SCN4A: variants seen among roughly 807,000 people sequenced by gnomAD.
SCN4A encodes the protein sodium channel protein type 4 subunit alpha.
SCN4A carries 83 observed loss-of-function variants against 162.0 expected under a neutral mutation model. That is an observed-to-expected ratio of 0.51 (90% CI 0.43 to 0.61). The LOEUF is 0.61. Among genes scored for constraint, SCN4A ranks in the 20% least tolerant of loss-of-function variants. The probability of loss-of-function intolerance (pLI) is 0.00; values close to 1 mark genes in which losing one functional copy is unlikely to be tolerated. For missense variants in SCN4A, 2,196 were observed against 2,462.5 expected, an observed-to-expected ratio of 0.89 and a Z score of 2.29; for synonymous variants, 944 against 985.1, an observed-to-expected ratio of 0.96 and a Z score of 0.78.
At chr17:63,946,471 CCCA>C (rs1261531252) in intron 18 of SCN4A, among the ~76,000 whole-genome samples, 1,395 of 132,704 alleles carry the variant, frequency 0.011, 86 homozygotes, top group African/African-American at 0.039. Context: ...TGCCCCCCCC[CCCA>C]CCCCGCCGCA....
In SCN4A at chr17:63,944,706, G is replaced by T. The variant is rs1908655971; in HGVS notation, c.3879C>A (p.Val1293=). The change falls in exon 21 of 24, where the codon GTC becomes GTA. Residue 1293 remains valine, a synonymous_variant. Coordinates refer to ENST00000435607, the MANE Select transcript of SCN4A (RefSeq NM_000334.4). The surrounding 1 kb of genome is among the most constrained non-coding windows in gnomAD (Gnocchi z 4.3). ...SFFTLNLFIG[V]IIDNFNQQKK... ...TCTGCTGGTTGAAGTTGTCAATGAT[G>T]ACGCCAATGAAGAGGTTGAGGGTGA... is the stretch of plus-strand genomic sequence containing the variant. 6.2e-7 allele frequency: 1 copy of T among 1,611,154 alleles called. No homozygotes were observed. The highest frequency in any genetic ancestry group is 1.3e-5 in the African/African-American group (1 of 75,046).
chr17:63,959,316 C>G lies in SCN4A; in HGVS notation c.1968G>C (p.Glu656Asp). The G allele has an allele frequency of 6.2e-7, 1 of 1,613,992 alleles. No individual in the cohort carries two copies. Among genetic ancestry groups the G allele is most frequent in the Non-Finnish European group, 8.5e-7 (1 of 1,179,870 alleles). Reference sequence around the variant, plus strand: ...GTCCCTGTACGTTGGCCAGGCCTAGCTCTACCAGGCTGAGGGTGACGATGA... The same window carrying G: ...GTCCCTGTACGTTGGCCAGGCCTAGGTCTACCAGGCTGAGGGTGACGATGA... ...DSIIVTLSLV[E>D]LGLANVQGLS... The change falls in exon 12 of 24, where the codon GAG (glutamate) becomes GAC (aspartate). Residue 656 changes from glutamate (E) to aspartate (D), a missense_variant. Coordinates refer to ENST00000435607, the MANE Select transcript of SCN4A (RefSeq NM_000334.4).
At chr17:63,963,966 G>A in intron 9 of SCN4A, 141 bp from the exon 10 acceptor site, 4 of 767,772 alleles carry the variant, frequency 5.2e-6, no homozygotes, top group Non-Finnish European at 6.0e-6. Flanking sequence ...TGCAGGTGGG[G>A]GAGGGACCAA....
chr17:63,963,590 C>T, intron 10 of SCN4A, 82 bp downstream of exon 10: 1 of 1,414,024 alleles, frequency 7.1e-7, no homozygotes, highest in Non-Finnish European at 9.3e-7. Context: ...CACTCACCTT[C>T]CATGGCATCC....
chr17:63,947,195 G>C, intron 17 of SCN4A, 28 bp from the exon 18 acceptor site: 1 of 1,611,822 alleles, frequency 6.2e-7, no homozygotes, highest in South Asian at 1.1e-5. Flanking sequence ...GGGGATCAGT[G>C]CGTGCAAGGC....
In SCN4A at chr17:63,946,067, G is replaced by A. The variant is rs138389237; in HGVS notation, c.3442-429C>T. On this transcript the variant is annotated intron_variant, in intron 18 of 23. Coordinates refer to ENST00000435607, the MANE Select transcript of SCN4A (RefSeq NM_000334.4). ...CACCAGGGTCTTTGAAGCAGCAGGAGCTCTGGGACAGAAGCCCCATCCCCA... is the reference window on the plus strand; with the variant it reads ...CACCAGGGTCTTTGAAGCAGCAGGAACTCTGGGACAGAAGCCCCATCCCCA... 2.9e-3 allele frequency among the ~76,000 whole-genome samples: 437 copies of A among 152,298 alleles called. 5 individuals are homozygous for A. The highest frequency in any genetic ancestry group is 0.01 in the African/African-American group (417 of 41,552).
intron 23 of SCN4A, among the ~76,000 whole-genome samples, chr17:63,942,260 TGTGTGTG>T (rs1908564886): frequency 1.4e-5 from 1 of 70,286 alleles, no homozygotes; most frequent in African/African-American, 3.6e-5. Context: ...ATGCCACTGG[TGTGTGTG>T]TGTGTGTGTG....
At position 63,944,697 on chromosome 17, in the gene SCN4A, G is replaced by A. The variant is rs200386336; in HGVS notation, c.3888C>T (p.Asp1296=). Residue 1296 remains aspartate (D), a synonymous_variant, in exon 21 of 24, where the codon GAC becomes GAT. Transcript: ENST00000435607. The surrounding 1 kb of genome is among the most constrained non-coding windows in gnomAD (Gnocchi z 4.3). The stretch of plus-strand genomic sequence containing the variant: ...TCTTCTTCTTCTGCTGGTTGAAGTT[G>A]TCAATGATGACGCCAATGAAGAGGT... The part of the protein sequence containing the change: ...TLNLFIGVII[D]NFNQQKKKLG... 5 of 1,609,628 alleles carry A rather than the reference G, an allele frequency of 3.1e-6. No homozygotes were observed. The East Asian group carries it at 1.1e-4, about 36-fold the overall frequency.
At position 63,948,044 on chromosome 17, in the gene SCN4A, A is replaced by T. The variant is rs893049769; in HGVS notation, c.3164T>A (p.Ile1055Asn). ...SGALAFEDIY[I>N]EQRRVIRTIL... ...GGTGCGAATGACTCGCCGCTGCTCA[A>T]TGTAGATGTCCTCGAAGGCCTGGGG... Residue 1055 changes from isoleucine (I) to asparagine (N), a missense_variant, in exon 17 of 24, where the codon ATT becomes AAT. Coordinates refer to ENST00000435607, the MANE Select transcript of SCN4A (RefSeq NM_000334.4). 2 of 1,605,572 alleles carry T rather than the reference A, an allele frequency of 1.2e-6. No individual in the cohort carries two copies. The highest frequency in any genetic ancestry group is 4.5e-5 in the East Asian group (2 of 44,544).
chr17:63,965,460 G>C (rs1030437365), intron 8 of SCN4A, among the ~76,000 whole-genome samples: 1 of 151,992 alleles, frequency 6.6e-6, no homozygotes, highest in Non-Finnish European at 1.5e-5. Context: ...AACAGTAGAA[G>C]GCAAATAAAG....
rs1431132245 is a variant in SCN4A, at chr17:63,945,189, C to T, written c.3721-129G>A. ...GCCTGCCAGAGCCCCACTGGGCTAG[C>T]ATCAAATAAAGACCAGAGAGGTCTA... On this transcript the variant is annotated intron_variant, in intron 19 of 23. Transcript: ENST00000435607. This position sits in a 1 kb window ranked among gnomAD's most constrained non-coding sequence, Gnocchi z 4.4. 2 of 1,076,410 alleles carry T rather than the reference C, an allele frequency of 1.9e-6. No homozygotes were observed. Among genetic ancestry groups the T allele is most frequent in the African/African-American group, 1.6e-5 (1 of 63,976 alleles). 66.7% of individuals were successfully genotyped at this position (1,076,410 alleles called of 1,614,324 possible). A position where few individuals can be genotyped will look rare whatever the true frequency, so the allele number is the denominator to read the frequency against.
rs1909367472 is a variant in SCN4A at position 63,964,411 on chromosome 17, C to T, written c.1452+57G>A. Reference sequence around the variant, plus strand: ...CCCCCAGGGAGAAGCCAGTGGCAGCCCCGGCTGAGGGCAGGTAGAACCCTG... The same window carrying T: ...CCCCCAGGGAGAAGCCAGTGGCAGCTCCGGCTGAGGGCAGGTAGAACCCTG... On this transcript the variant is annotated intron_variant, in intron 9 of 23. Transcript: ENST00000435607. The T allele has an allele frequency of 2.6e-6, 4 of 1,521,288 alleles. No homozygotes were observed. In the East Asian group the frequency reaches 6.8e-5, roughly 26 times the overall value. The allele number at this position is 1,521,288 out of a possible 1,614,324, so 94.2% of individuals were successfully genotyped here. A position where few individuals can be genotyped will look rare whatever the true frequency, so the allele number is the denominator to read the frequency against.
At position 63,945,050 on chromosome 17, in the gene SCN4A, T is replaced by C; in HGVS notation, c.3731A>G (p.Lys1244Arg). 6.2e-7 allele frequency: 1 copy of C among 1,613,740 alleles called. No homozygotes were observed. The highest frequency in any genetic ancestry group is 8.5e-7 in the Non-Finnish European group (1 of 1,179,786). ...YLSLLQVATF[K>R]GWMDIMYAAV... ...TGCATACATGATGTCCATCCAACCC[T>C]TGAAGGTGGCCTGAGAGAGTGTGGT... The change falls in exon 20 of 24, where the codon AAG becomes AGG. Residue 1244 changes from lysine to arginine, a missense_variant. By Grantham distance (26) the Lys-to-Arg change is conservative. Transcript: ENST00000435607. This position sits in a 1 kb window ranked among gnomAD's most constrained non-coding sequence, Gnocchi z 4.4.
chr17:63,971,326 T>G, intron 4 of SCN4A, 73 bp from the exon 5 acceptor site: 1 of 839,814 alleles, frequency 1.2e-6, no homozygotes, highest in Non-Finnish European at 2.0e-6. Context: ...TCAGGGCTCC[T>G]CCAGGCCTGG....
chr17:63,956,418 T>G (rs544340173), intron 13 of SCN4A, among the ~76,000 whole-genome samples: 3 of 152,336 alleles, frequency 2.0e-5, no homozygotes, highest in Admixed American at 6.5e-5. Context: ...TTTTTCATTT[T>G]TCCATTTTTT....
At position 63,950,344 on chromosome 17, in the gene SCN4A, G is replaced by A. The variant is rs959139964; in HGVS notation, c.2854-816C>T. ...GAGGCACAGAGTGTTAGGTCAGCCA[G>A]GGCATCCACTGAGTTGCTTGCCCCG... On this transcript the variant is annotated intron_variant, in intron 14 of 23. Transcript: ENST00000435607. This position sits in a 1 kb window ranked among gnomAD's most constrained non-coding sequence, Gnocchi z 4.6. Among the ~76,000 whole-genome samples, 2 of 152,150 alleles carry A rather than the reference G, an allele frequency of 1.3e-5. No individual in the cohort carries two copies. The highest frequency in any genetic ancestry group is 2.9e-5 in the Non-Finnish European group (2 of 68,020).
Position 63,971,225 on chromosome 17 carries a change from T to G in SCN4A, c.640A>C (p.Asn214His). 1 of 1,513,528 alleles carries G rather than the reference T, an allele frequency of 6.6e-7. No homozygotes were observed. The allele number at this position is 1,513,528 out of a possible 1,614,324, so 93.8% of individuals were successfully genotyped here. A position where few individuals can be genotyped will look rare whatever the true frequency, so the allele number is the denominator to read the frequency against. The change falls in exon 5 of 24, where the codon AAC becomes CAC. Residue 214 changes from asparagine (N) to histidine (H), a missense_variant. By Grantham distance (68) the Asn-to-His change is moderately conservative (BLOSUM62 1). Transcript: ENST00000435607. ...AYLTEFVDLGNISALRTFRVL... is the reference protein window; with the variant it reads ...AYLTEFVDLGHISALRTFRVL... ...CGGAAGGTCCTCAGGGCTGAGATGT[T>G]GCCCAAGTCCACAAACTCTGTCAGG... is the stretch of plus-strand genomic sequence containing the variant.
intron 9 of SCN4A, 52 bp from the exon 10 acceptor site, chr17:63,963,877 A>G (rs1331682272): frequency 6.0e-6 from 9 of 1,504,236 alleles, no homozygotes. Flanking sequence ...AGCCAGAGGG[A>G]TGGACTAATT....
chr17:63,964,751 C>T (rs1454937341), intron 8 of SCN4A, 74 bp from the exon 9 acceptor site: 10 of 1,202,648 alleles, frequency 8.3e-6, no homozygotes, highest in Admixed American at 8.0e-5. Context: ...CCTTTCCATA[C>T]ATCCATTGCC....
Sources: allele counts gnomAD v4.1 joint callset (sites outside exome capture counted in the v4.1 genomes callset), GRCh38; gene constraint gnomAD v4.1.1; non-coding constraint Gnocchi (gnomAD v3.1); transcripts MANE v1.5; gene names NCBI Gene and HGNC (gene_info 2026-07-23, HGNC 2026-07-21).